Variants in RRH observed in about 807,000 individuals in gnomAD.
RRH encodes the protein visual pigment-like receptor peropsin.
A neutral mutation model predicts 33.1 loss-of-function variants in RRH; 36 were observed. The ratio of observed to expected loss-of-function variants is 1.09; its 90% CI spans 0.83 to 1.44. RRH has a LOEUF of 1.44. Among genes scored for constraint, RRH ranks in the 40% most tolerant of loss-of-function variants. The pLI, the probability that RRH is intolerant of heterozygous loss-of-function variation, is 0.00. For synonymous variants in RRH, 124 were observed against 140.2 expected, an observed-to-expected ratio of 0.88 and a Z score of 0.82; for missense variants, 393 against 420.2, an observed-to-expected ratio of 0.94 and a Z score of 0.57.
intron 1 of RRH, among the ~76,000 whole-genome samples, chr4:109,829,350 C>G (rs1480754616): frequency 6.6e-6 from 1 of 151,102 alleles, no homozygotes; most frequent in Non-Finnish European, 1.5e-5. Context: ...CTGAGAAAAT[C>G]TCCTAACAAT....
intron 5 of RRH, among the ~76,000 whole-genome samples, chr4:109,837,868 C>T (rs374036038): frequency 4.6e-5 from 7 of 152,174 alleles, no homozygotes; most frequent in African/African-American, 1.4e-4. Context: ...CTCCGCCTCC[C>T]GGGTTCAAGT....
At chr4:109,837,813 T>C (rs1733914833) in intron 5 of RRH, among the ~76,000 whole-genome samples, 2 of 143,546 alleles carry the variant, frequency 1.4e-5, no homozygotes, top group Non-Finnish European at 3.1e-5. Flanking sequence ...TTCACTCTTA[T>C]CGTCCAGGCT....
At chr4:109,829,792 C>A (rs1167831367) in intron 1 of RRH, among the ~76,000 whole-genome samples, 2 of 152,178 alleles carry the variant, frequency 1.3e-5, no homozygotes, top group Non-Finnish European at 2.9e-5. Context: ...CAAGAGTCAG[C>A]TTTATCAAGG....
chr4:109,834,506 T>TTTG (rs1267763108), intron 2 of RRH, among the ~76,000 whole-genome samples: 3 of 121,278 alleles, frequency 2.5e-5, no homozygotes, highest in African/African-American at 5.2e-5. Flanking sequence ...ATTTTTTTTT[T>TTTG]TGTATTTTTT....
intron 2 of RRH, among the ~76,000 whole-genome samples, chr4:109,833,532 T>G (rs1733807005): frequency 6.6e-6 from 1 of 152,110 alleles, no homozygotes; most frequent in Non-Finnish European, 1.5e-5. Context: ...TTTTCAAAAT[T>G]CTCCCAACTC....
chr4:109,840,350 G>GTAGA (rs999347500), intron 5 of RRH, among the ~76,000 whole-genome samples: 57 of 151,834 alleles, frequency 3.8e-4, no homozygotes, highest in African/African-American at 1.3e-3. Flanking sequence ...TAAGTTCCTT[G>GTAGA]TAGATGCTGG....
chr4:109,833,515 T>A (rs534743760), intron 2 of RRH, among the ~76,000 whole-genome samples, 186 bp downstream of exon 2: 20 of 152,194 alleles, frequency 1.3e-4, no homozygotes, highest in Non-Finnish European at 2.4e-4. Flanking sequence ...CACCAACCAT[T>A]GTTATATTTT....
intron 1 of RRH, among the ~76,000 whole-genome samples, chr4:109,830,924 C>G (rs1057310142): frequency 3.9e-5 from 6 of 152,118 alleles, no homozygotes; most frequent in Non-Finnish European, 8.8e-5. Flanking sequence ...AAATCAACAT[C>G]AAGTGCTACT....
intron 2 of RRH, among the ~76,000 whole-genome samples, chr4:109,835,044 C>T (rs1028204709): frequency 6.6e-6 from 1 of 152,084 alleles, no homozygotes; most frequent in African/African-American, 2.4e-5. Context: ...GTCTTTTCCT[C>T]CTGTTGAATT....
In RRH at chr4:109,836,891, C is replaced by CAAAAAAAAAAAAA. The variant is rs56989659; in HGVS notation, c.552-538_552-526dup. Among the ~76,000 whole-genome samples, 328 of 84,382 alleles carry CAAAAAAAAAAAAA rather than the reference C, an allele frequency of 3.9e-3. 12 individuals carry two copies. Among genetic ancestry groups the CAAAAAAAAAAAAA allele is most frequent in the African/African-American group, 0.017 (282 of 16,802 alleles). The allele number at this position is 84,382 out of a possible 152,430, so 55.4% of individuals were successfully genotyped here. ...GCAACATATTGAGACCCTGTCTCTA[C>CAAAAAAAAAAAAA]AAAAAAAAAAAAAAAAAAAAGCAGA... On this transcript the variant is annotated intron_variant, in intron 4 of 6. Coordinates refer to ENST00000317735, the MANE Select transcript of RRH (RefSeq NM_006583.5).
At position 109,836,241 on chromosome 4, in the gene RRH, A is replaced by G. The variant is rs1299466927; in HGVS notation, c.551+81A>G. ...ACCCTTTCAAATTTAAGCTCAGATC[A>G]TGTGTTCCTCATACAGAAGGTGGCG... On this transcript the variant is annotated intron_variant, in intron 4 of 6. Transcript: ENST00000317735. 3 of 1,457,128 alleles carry G rather than the reference A, an allele frequency of 2.1e-6. No homozygotes were observed. In the East Asian group the frequency reaches 6.9e-5, roughly 33 times the overall value. 90.3% of individuals were successfully genotyped at this position (1,457,128 alleles called of 1,614,324 possible).
intron 6 of RRH, among the ~76,000 whole-genome samples, chr4:109,843,596 CCAAA>C (rs1734023939): frequency 6.6e-6 from 1 of 152,130 alleles, no homozygotes; most frequent in Non-Finnish European, 1.5e-5. Context: ...ATTTTACAGA[CCAAA>C]CAGACCACAT....
At chr4:109,833,084 A>T in intron 1 of RRH, 55 bp from the exon 2 acceptor site, 1 of 1,397,924 alleles carries the variant, frequency 7.2e-7, no homozygotes, top group Non-Finnish European at 1.0e-6. Flanking sequence ...TTTTGAGTCT[A>T]CTTTGAAACA....
At position 109,827,995 on chromosome 4, in the gene RRH, T is replaced by C. The variant is rs1733668915; in HGVS notation, c.-33T>C. 1.5e-6 allele frequency: 2 copies of C among 1,339,040 alleles called. No homozygotes were observed. The highest frequency in any genetic ancestry group is 2.1e-6 in the Non-Finnish European group (2 of 930,410). The allele number at this position is 1,339,040 out of a possible 1,614,324, so 82.9% of individuals were successfully genotyped here. A position where few individuals can be genotyped will look rare whatever the true frequency, so the allele number is the denominator to read the frequency against. On this transcript the variant is annotated 5_prime_UTR_variant, in exon 1 of 7. Coordinates refer to ENST00000317735, the MANE Select transcript of RRH (RefSeq NM_006583.5). ...GCAGTTCATAATTATCGAAGGCTTA[T>C]TATGAAGGGTGTTTCGGTATCTTCC... is the stretch of plus-strand genomic sequence containing the variant.
At chr4:109,829,141 T>A (rs956211072) in intron 1 of RRH, among the ~76,000 whole-genome samples, 4 of 150,482 alleles carry the variant, frequency 2.7e-5, no homozygotes, top group African/African-American at 9.8e-5. Context: ...AAAAGTAGAG[T>A]GAAAAGTATA....
At chr4:109,834,774 T>C (rs2125892953) in intron 2 of RRH, among the ~76,000 whole-genome samples, 1 of 152,342 alleles carries the variant, frequency 6.6e-6, no homozygotes, top group East Asian at 1.9e-4. Context: ...ATGTTCATCT[T>C]CAACTTTATC....
At chr4:109,841,728 C>T (rs1410255261) in intron 5 of RRH, among the ~76,000 whole-genome samples, 1 of 152,142 alleles carries the variant, frequency 6.6e-6, no homozygotes, top group Non-Finnish European at 1.5e-5. Flanking sequence ...TAATTTGCCA[C>T]TTATCCAATG....
intron 6 of RRH, among the ~76,000 whole-genome samples, chr4:109,843,745 G>A (rs1273735605): frequency 2.0e-5 from 3 of 152,144 alleles, no homozygotes; most frequent in African/African-American, 7.2e-5. Flanking sequence ...GACATTAGTA[G>A]CATCCTTTTA....
rs748412992 is a variant in RRH, at chr4:109,837,514, A to G, written c.629A>G (p.Tyr210Cys). Residue 210 changes from tyrosine to cysteine, a missense_variant, in exon 5 of 7, where the codon TAC (tyrosine) becomes TGC (cysteine). Transcript: ENST00000317735. Reference sequence around the variant, plus strand: ...TTGACAGTGATGTTTTACTGCTATTACCATGTCACGCTATCCATTAAACAT... The same window carrying G: ...TTGACAGTGATGTTTTACTGCTATTGCCATGTCACGCTATCCATTAAACAT... ...VPLTVMFYCY[Y>C]HVTLSIKHHT... 10 of 1,613,276 alleles carry G rather than the reference A, an allele frequency of 6.2e-6. No individual in the cohort carries two copies. The highest frequency in any genetic ancestry group is 8.5e-6 in the Non-Finnish European group (10 of 1,179,230).
Sources: allele counts gnomAD v4.1 joint callset (sites outside exome capture counted in the v4.1 genomes callset), GRCh38; gene constraint gnomAD v4.1.1; transcripts MANE v1.5; gene names NCBI Gene and HGNC (gene_info 2026-07-23, HGNC 2026-07-21).